Variants in STXBP5L observed in about 807,000 individuals in gnomAD.
The protein encoded by STXBP5L is syntaxin-binding protein 5-like.
In STXBP5L, 65 loss-of-function variants were observed where a neutral mutation model predicts 144.5. That is an observed-to-expected ratio of 0.45 (90% CI 0.37 to 0.55). The LOEUF is 0.55. Ranked by LOEUF, STXBP5L falls within the 20% of genes least tolerant of loss-of-function variation. STXBP5L has a pLI of 0.00. For missense variants in STXBP5L, 1,298 were observed against 1,405.5 expected (o/e 0.92, Z 1.22); for synonymous variants, 505 against 469.6 (o/e 1.08, Z -0.97).
intron 3 of STXBP5L, among the ~76,000 whole-genome samples, chr3:120,961,024 A>T (rs61797910): frequency 0.52 from 78,267 of 151,838 alleles, 20,612 homozygotes; most frequent in Admixed American, 0.6. Context: ...TGTTCAGGAT[A>T]TCTATTTCTT....
intron 14 of STXBP5L, among the ~76,000 whole-genome samples, chr3:121,242,113 T>C (rs942493501): frequency 1.3e-5 from 2 of 151,730 alleles, no homozygotes; most frequent in African/African-American, 4.8e-5. Flanking sequence ...ACTAAAAGAA[T>C]TTTTCAACAC....
intron 19 of STXBP5L, among the ~76,000 whole-genome samples, chr3:121,291,487 A>G (rs2051436646): frequency 6.6e-6 from 1 of 152,176 alleles, no homozygotes; most frequent in African/African-American, 2.4e-5. Flanking sequence ...TATCAAAAGC[A>G]ATCTACAAAT....
chr3:120,977,453 G>A (rs573824203), intron 3 of STXBP5L, among the ~76,000 whole-genome samples: 11 of 152,262 alleles, frequency 7.2e-5, no homozygotes, highest in African/African-American at 2.4e-4. Flanking sequence ...CACGTGAGAT[G>A]GGTTTCCTGA....
At chr3:121,021,597 A>G (rs1221567628) in intron 3 of STXBP5L, among the ~76,000 whole-genome samples, 1 of 152,202 alleles carries the variant, frequency 6.6e-6, no homozygotes, top group Non-Finnish European at 1.5e-5. Context: ...ATAACTGGAA[A>G]TCATCTTCAA....
intron 8 of STXBP5L, among the ~76,000 whole-genome samples, chr3:121,156,368 A>T (rs542520710): frequency 6.6e-6 from 1 of 152,098 alleles, no homozygotes; most frequent in East Asian, 1.9e-4. Context: ...GTATTCACTT[A>T]TATTAATCTT....
chr3:121,051,616 T>C (rs564370295), intron 5 of STXBP5L, among the ~76,000 whole-genome samples: 47 of 152,238 alleles, frequency 3.1e-4, no homozygotes, highest in African/African-American at 7.0e-4. Flanking sequence ...TAGCACTAAA[T>C]GCCCACAAGA....
chr3:121,349,999 T>C (rs186709411), intron 20 of STXBP5L, among the ~76,000 whole-genome samples: 2 of 152,134 alleles, frequency 1.3e-5, no homozygotes, highest in African/African-American at 2.4e-5. Context: ...GATCCTGTCA[T>C]TGTGATGTTA....
intron 7 of STXBP5L, among the ~76,000 whole-genome samples, chr3:121,134,199 G>T (rs1373593595): frequency 6.6e-6 from 1 of 152,146 alleles, no homozygotes; most frequent in African/African-American, 2.4e-5. Flanking sequence ...GTGTCCCGAG[G>T]TGGTGCAGGG....
chr3:120,986,842 C>G (rs1300628251), intron 3 of STXBP5L, among the ~76,000 whole-genome samples: 1 of 151,732 alleles, frequency 6.6e-6, no homozygotes, highest in Non-Finnish European at 1.5e-5. Context: ...CAGATTTAAG[C>G]AGACAGAAGA....
At chr3:121,345,175 A>G (rs2044905380) in intron 20 of STXBP5L, among the ~76,000 whole-genome samples, 1 of 151,944 alleles carries the variant, frequency 6.6e-6, no homozygotes, top group African/African-American at 2.4e-5. Context: ...CCACTCCCTG[A>G]CAGGACCCCG....
chr3:121,228,087 G>A (rs2049178823), intron 11 of STXBP5L, among the ~76,000 whole-genome samples: 1 of 152,150 alleles, frequency 6.6e-6, no homozygotes, highest in African/African-American at 2.4e-5. Flanking sequence ...TTAATAGAAT[G>A]GTGTTCACTG....
At chr3:121,302,634 T>C (rs916911235) in intron 19 of STXBP5L, among the ~76,000 whole-genome samples, 1 of 152,164 alleles carries the variant, frequency 6.6e-6, no homozygotes, top group Admixed American at 6.6e-5. Context: ...AATTGTGATG[T>C]TAGGGTATCA....
chr3:121,072,323 G>A (rs1560091332), intron 5 of STXBP5L, among the ~76,000 whole-genome samples: 2 of 152,244 alleles, frequency 1.3e-5, no homozygotes, highest in Non-Finnish European at 2.9e-5. Context: ...CCAGTTTCTT[G>A]AATCCCTGGG....
rs572211712 is a variant in STXBP5L at position 121,408,426 on chromosome 3, AACTC to A, written c.2948+827_2948+830del. On this transcript the variant is annotated intron_variant, in intron 23 of 26. Coordinates refer to ENST00000471454, the MANE Select transcript of STXBP5L (RefSeq NM_001308330.2). ...TAGAACATGGTCCTAACCCTTAAGA[AACTC>A]ACTGTCTAACTTGGGAGATAAGATA... Among the ~76,000 whole-genome samples, 548 of 152,054 alleles carry A rather than the reference AACTC, an allele frequency of 3.6e-3. 2 individuals are homozygous for A. The highest frequency in any genetic ancestry group is 0.013 in the African/African-American group (523 of 41,544).
intron 3 of STXBP5L, among the ~76,000 whole-genome samples, chr3:120,977,962 C>G (rs1442073886): frequency 6.6e-6 from 1 of 152,224 alleles, no homozygotes; most frequent in Non-Finnish European, 1.5e-5. Flanking sequence ...ACCTTTGTCT[C>G]TGGCTGCCCT....
At chr3:121,306,114 C>G (rs1205945644) in intron 19 of STXBP5L, among the ~76,000 whole-genome samples, 1 of 152,120 alleles carries the variant, frequency 6.6e-6, no homozygotes, top group Non-Finnish European at 1.5e-5. Context: ...TTAAAAACAA[C>G]CATGTAAAGT....
rs937367167 is a variant in STXBP5L, at chr3:121,115,465, G to T, written c.605+406G>T. Among the ~76,000 whole-genome samples the T allele has an allele frequency of 4.6e-5, 7 of 152,134 alleles. 1 individual carries two copies. Among genetic ancestry groups the T allele is most frequent in the African/African-American group, 1.4e-4 (6 of 41,530 alleles). On this transcript the variant is annotated intron_variant, in intron 6 of 26. Coordinates refer to ENST00000471454, the MANE Select transcript of STXBP5L (RefSeq NM_001308330.2). ...TCTTTTCTTGCCTCATTAAAATATT[G>T]TTCAGGGCTCAAATATCTTTTAGGT...
At chr3:121,165,649 G>GA (rs1015134463) in intron 9 of STXBP5L, among the ~76,000 whole-genome samples, 2 of 151,720 alleles carry the variant, frequency 1.3e-5, no homozygotes, top group Non-Finnish European at 2.9e-5. Context: ...GGGTGAAAAG[G>GA]AAAAAAAGGG....
At chr3:121,066,758 T>A (rs1040350605) in intron 5 of STXBP5L, among the ~76,000 whole-genome samples, 2 of 152,136 alleles carry the variant, frequency 1.3e-5, no homozygotes, top group African/African-American at 4.8e-5. Context: ...TGTTTCCTTT[T>A]TTCTATACTC....
Sources: gnomAD v4.1 joint callset for allele counts (sites outside exome capture counted in the v4.1 genomes callset) on GRCh38, gnomAD v4.1.1 for gene constraint, MANE v1.5 for transcripts, NCBI Gene and HGNC (gene_info 2026-07-23, HGNC 2026-07-21) for gene names.